Variants in LUZP1 observed in about 807,000 individuals in gnomAD.
The protein encoded by LUZP1 is leucine zipper protein 1, also known as filamin mechanobinding actin cross-linking protein.
In LUZP1, 25 loss-of-function variants were observed where a neutral mutation model predicts 71.3. The observed-to-expected ratio is 0.35, with a 90% confidence interval of 0.26 to 0.49. The LOEUF is 0.49. Ranked by LOEUF, LUZP1 falls within the 20% of genes least tolerant of loss-of-function variation. The pLI, the probability that LUZP1 is intolerant of heterozygous loss-of-function variation, is 0.99. For missense variants in LUZP1, 1,142 were observed against 1,300.8 expected (o/e 0.88, Z 1.88); for synonymous variants, 481 against 506.4 (o/e 0.95, Z 0.67).
intron 2 of LUZP1, among the ~76,000 whole-genome samples, chr1:23,141,567 T>C (rs1043540223): frequency 2.6e-5 from 4 of 152,176 alleles, no homozygotes; most frequent in African/African-American, 9.7e-5. Context: ...GGCAGCAAGG[T>C]GGGTGGGCAC....
chr1:23,091,062 TA>T, intron 4 of LUZP1, 127 bp downstream of exon 3: 1 of 1,036,966 alleles, frequency 9.6e-7, no homozygotes, highest in Non-Finnish European at 1.4e-6. Flanking sequence ...AACAGTTCTC[TA>T]AGGAACCCAG....
intron 2 of LUZP1, among the ~76,000 whole-genome samples, chr1:23,135,797 G>A (rs1188906529): frequency 6.6e-6 from 1 of 152,170 alleles, no homozygotes; most frequent in African/African-American, 2.4e-5. Flanking sequence ...ACAAATATAT[G>A]TTGGTTTTAC....
chr1:23,168,152 T>G (rs941864413), intron 2 of LUZP1, among the ~76,000 whole-genome samples: 4 of 132,660 alleles, frequency 3.0e-5, no homozygotes, highest in South Asian at 2.8e-4. Flanking sequence ...GCGGGACCCC[T>G]CCCCGCCCGG....
intron 3 of LUZP1, among the ~76,000 whole-genome samples, chr1:23,097,059 C>A (rs1487849657): frequency 6.6e-6 from 1 of 152,126 alleles, no homozygotes; most frequent in Non-Finnish European, 1.5e-5. Context: ...CTGCTGAAGG[C>A]CCAGTCTCTG....
chr1:23,097,298 C>T (rs1345620399), intron 3 of LUZP1, among the ~76,000 whole-genome samples: 2 of 152,174 alleles, frequency 1.3e-5, no homozygotes, highest in Non-Finnish European at 2.9e-5. Flanking sequence ...AACAACTGAA[C>T]CACTTCTCAG....
chr1:23,126,858 G>A (rs576409752), intron 2 of LUZP1, among the ~76,000 whole-genome samples: 4 of 152,214 alleles, frequency 2.6e-5, no homozygotes, highest in South Asian at 2.1e-4. Context: ...AATTTCTCCC[G>A]CAACTGAACT....
intron 2 of LUZP1, among the ~76,000 whole-genome samples, chr1:23,126,151 AAT>A (rs1644170410): frequency 1.3e-5 from 2 of 152,214 alleles, no homozygotes; most frequent in Admixed American, 1.3e-4. Context: ...CCCACAGTAA[AAT>A]ATGTGTTCCA....
chr1:23,088,998 A>G, exon 5 of LUZP1: 1 of 1,614,164 alleles, frequency 6.2e-7, no homozygotes, highest in Non-Finnish European at 8.5e-7. Context: ...AGACGGATCC[A>G]GGGAGTTGTG....
chr1:23,167,672 A>G (rs980435340), intron 2 of LUZP1, among the ~76,000 whole-genome samples: 1 of 152,234 alleles, frequency 6.6e-6, no homozygotes, highest in Admixed American at 6.5e-5. Flanking sequence ...CCAAAGCAAG[A>G]TGGTCTTTCT....
intron 1 of LUZP1, among the ~76,000 whole-genome samples, chr1:23,171,835 G>A (rs562465803): frequency 1.3e-5 from 2 of 152,270 alleles, no homozygotes; most frequent in East Asian, 3.9e-4. Context: ...ACAAACCCTT[G>A]GAAGGAAGAA....
intron 2 of LUZP1, among the ~76,000 whole-genome samples, chr1:23,148,485 T>A (rs1644359497): frequency 6.6e-6 from 1 of 152,210 alleles, no homozygotes; most frequent in African/African-American, 2.4e-5. Context: ...TCATGCTACT[T>A]CTTCCCAGCT....
chr1:23,132,260 T>C (rs145945671), intron 2 of LUZP1, among the ~76,000 whole-genome samples: 28 of 152,290 alleles, frequency 1.8e-4, no homozygotes, highest in African/African-American at 6.3e-4. Flanking sequence ...CTTTTTCAAT[T>C]TGTCATACTC....
intron 2 of LUZP1, among the ~76,000 whole-genome samples, chr1:23,128,116 C>T (rs542277209): frequency 6.9e-4 from 104 of 151,698 alleles, no homozygotes; most frequent in African/African-American, 2.3e-3. Flanking sequence ...GGTGACAGAG[C>T]GAGACTCTGT....
chr1:23,120,581 C>T (rs1644122527), intron 2 of LUZP1, among the ~76,000 whole-genome samples: 1 of 151,984 alleles, frequency 6.6e-6, no homozygotes, highest in Non-Finnish European at 1.5e-5. Context: ...TGGTCTTGAA[C>T]TCCTGGCCTC....
intron 2 of LUZP1, among the ~76,000 whole-genome samples, chr1:23,134,725 C>G (rs1465974093): frequency 6.6e-6 from 1 of 152,110 alleles, no homozygotes; most frequent in Non-Finnish European, 1.5e-5. Flanking sequence ...TAAGGCTGCA[C>G]TGAGCCATGA....
upstream of LUZP1, chr1:23,177,868 C>G (rs911616971): frequency 6.6e-6 from 1 of 152,316 alleles, no homozygotes; most frequent in Non-Finnish European, 1.5e-5. Context: ...AGCCGAGGGC[C>G]GGGGAGGAGG....
chr1:23,129,661 C>T (rs1404686862), intron 2 of LUZP1, among the ~76,000 whole-genome samples: 2 of 152,140 alleles, frequency 1.3e-5, no homozygotes, highest in African/African-American at 4.8e-5. Context: ...TCTTATAATT[C>T]AACATTTCCT....
At chr1:23,085,434 G>A (rs1643749236) in exon 5 of LUZP1, 1 of 152,516 alleles carries the variant, frequency 6.6e-6, no homozygotes, top group East Asian at 1.9e-4. Context: ...GGAGAACCCT[G>A]CTCCCCACTC....
exon 4 of LUZP1, chr1:23,092,621 G>A: frequency 1.9e-6 from 3 of 1,614,210 alleles, no homozygotes; most frequent in South Asian, 1.1e-5. Context: ...GACTTCCGTT[G>A]CCAAGCACGT....
Sources: gnomAD v4.1 joint callset for allele counts (sites outside exome capture counted in the v4.1 genomes callset) on GRCh38, gnomAD v4.1.1 for gene constraint, MANE v1.5 for transcripts, NCBI Gene and HGNC (gene_info 2026-07-23, HGNC 2026-07-21) for gene names.